Variants in DAB2IP observed in about 807,000 individuals in gnomAD.
The protein encoded by DAB2IP is DAB2 interacting protein, also known as disabled homolog 2-interacting protein.
A neutral mutation model predicts 107.2 loss-of-function variants in DAB2IP; 28 were observed. The ratio of observed to expected loss-of-function variants is 0.26; its 90% CI spans 0.19 to 0.36. The LOEUF (loss-of-function observed/expected upper bound fraction) is 0.36, where lower values mean the gene tolerates loss of function less well. Ranked by LOEUF, DAB2IP falls within the 10% of genes least tolerant of loss-of-function variation. DAB2IP has a pLI of 1.00. For synonymous variants in DAB2IP, 755 were observed against 706.4 expected (o/e 1.07, Z -1.09); for missense variants, 1,400 against 1,644.7 (o/e 0.85, Z 2.57).
chr9:121,762,086 G>A (rs1833934628), intron 6 of DAB2IP, among the ~76,000 whole-genome samples: 1 of 152,156 alleles, frequency 6.6e-6, no homozygotes, highest in Non-Finnish European at 1.5e-5. Flanking sequence ...GTGCTGCTGG[G>A]GTGACAGGTA....
chr9:121,630,533 AT>A lies in DAB2IP; in HGVS notation c.41-48131del, dbSNP rs1554716325. On this transcript the variant is annotated intron_variant, in intron 1 of 16. Transcript: ENST00000259371. ...GAGCAAGACTCCATCTCATAAAAAA[AT>A]TTTTTTTTTTTTTGATAACCAGGCA... Among the ~76,000 whole-genome samples the A allele has an allele frequency of 5.2e-3, 765 of 146,900 alleles. 3 individuals carry two copies. The highest frequency in any genetic ancestry group is 0.022 in the Middle Eastern group (6 of 274).
At chr9:121,783,664 AGCAGCCT>A in exon 16 of DAB2IP, 1 of 1,330,942 alleles carries the variant, frequency 7.5e-7, no homozygotes, top group Admixed American at 1.7e-5. Context: ...CCAAGACAGC[AGCAGCCT>A]GCACCTGCCC....
chr9:121,631,485 A>G (rs1195257785), intron 1 of DAB2IP, among the ~76,000 whole-genome samples: 1 of 151,958 alleles, frequency 6.6e-6, no homozygotes, highest in Non-Finnish European at 1.5e-5. Context: ...TACGGGAGAG[A>G]GCAGAGGGAG....
intron 3 of DAB2IP, among the ~76,000 whole-genome samples, chr9:121,710,422 G>A (rs1830283463): frequency 6.6e-6 from 1 of 152,122 alleles, no homozygotes; most frequent in African/African-American, 2.4e-5. Flanking sequence ...AGGATGTGAG[G>A]GCAGGCTCGG....
chr9:121,635,103 C>T lies in DAB2IP; in HGVS notation c.41-43575C>T, dbSNP rs1398914994. 6.6e-6 allele frequency among the ~76,000 whole-genome samples: 1 copy of T among 152,140 alleles called. No homozygotes were observed. Among genetic ancestry groups the T allele is most frequent in the Non-Finnish European group, 1.5e-5 (1 of 68,030 alleles). On this transcript the variant is annotated intron_variant, in intron 1 of 16. Transcript: ENST00000259371. The surrounding 1 kb of genome is among the most constrained non-coding windows in gnomAD (Gnocchi z 4.3). Reference sequence around the variant, plus strand: ...GAAGGGGAAGCTTGGCAGAGGGTGGCTATGGAGTGGAGGGGGCTGGAGAGG... The same window carrying T: ...GAAGGGGAAGCTTGGCAGAGGGTGGTTATGGAGTGGAGGGGGCTGGAGAGG...
chr9:121,699,541 G>C lies in DAB2IP; in HGVS notation c.362+83G>C. 8.8e-7 allele frequency: 1 copy of C among 1,133,246 alleles called. No homozygotes were observed. Among genetic ancestry groups the C allele is most frequent in the Non-Finnish European group, 1.1e-6 (1 of 920,174 alleles). The allele number at this position is 1,133,246 out of a possible 1,614,324, so 70.2% of individuals were successfully genotyped here. On this transcript the variant is annotated intron_variant, in intron 3 of 15. Transcript: ENST00000408936. The surrounding 1 kb of genome is among the most constrained non-coding windows in gnomAD (Gnocchi z 6.2). Reference sequence around the variant, plus strand: ...GGACGCGGGGACAAAGCGCGAGCCCGGCCCGGGGCGAGCCACACGGCGGTG... The same window carrying C: ...GGACGCGGGGACAAAGCGCGAGCCCCGCCCGGGGCGAGCCACACGGCGGTG...
At chr9:121,665,812 A>G (rs896750632) in intron 1 of DAB2IP, among the ~76,000 whole-genome samples, 1 of 152,220 alleles carries the variant, frequency 6.6e-6, no homozygotes, top group African/African-American at 2.4e-5. Context: ...CCATTTGTAG[A>G]TTTGAAAGAG....
chr9:121,708,750 A>G (rs1830181690), intron 3 of DAB2IP, among the ~76,000 whole-genome samples: 2 of 152,262 alleles, frequency 1.3e-5, no homozygotes, highest in South Asian at 4.1e-4. Flanking sequence ...AAGGTCCGCC[A>G]AGTCAAATTC....
chr9:121,744,034 C>T (rs1473732374), intron 3 of DAB2IP, among the ~76,000 whole-genome samples: 5 of 152,256 alleles, frequency 3.3e-5, no homozygotes, highest in Middle Eastern at 3.4e-3. Flanking sequence ...GCGCGGTGTC[C>T]CCTGTGGTGT....
intron 3 of DAB2IP, among the ~76,000 whole-genome samples, chr9:121,744,314 C>A (rs552889867): frequency 6.6e-6 from 1 of 152,146 alleles, no homozygotes; most frequent in Non-Finnish European, 1.5e-5. Flanking sequence ...GGGCCAGGAG[C>A]GTGTTTTGGC....
rs185722196 is a variant in DAB2IP at position 121,698,846 on chromosome 9, G to A, written c.229-479G>A. 0.011 allele frequency among the ~76,000 whole-genome samples: 1,685 copies of A among 152,258 alleles called. 28 individuals are homozygous for A. Among genetic ancestry groups the A allele is most frequent in the African/African-American group, 0.038 (1,576 of 41,562 alleles). Reference sequence around the variant, plus strand: ...GCTTTGTCAATCCCCGACGGGGTGGGGGGGCGTGGATTCCTCCAGGTGGGT... The same window carrying A: ...GCTTTGTCAATCCCCGACGGGGTGGAGGGGCGTGGATTCCTCCAGGTGGGT... On this transcript the variant is annotated intron_variant, in intron 2 of 15. Transcript: ENST00000408936. The surrounding 1 kb of genome is among the most constrained non-coding windows in gnomAD (Gnocchi z 4.1).
At chr9:121,708,093 C>T (rs1163800587) in intron 3 of DAB2IP, among the ~76,000 whole-genome samples, 1 of 152,220 alleles carries the variant, frequency 6.6e-6, no homozygotes, top group Admixed American at 6.5e-5. Flanking sequence ...GGTGGTCTTG[C>T]TTCCCCAAAG....
rs925292308 is a variant in DAB2IP, at chr9:121,706,948, C to A, written c.362+7490C>A. Among the ~76,000 whole-genome samples the A allele has an allele frequency of 3.7e-4, 57 of 152,346 alleles. 1 individual carries two copies. Among genetic ancestry groups the A allele is most frequent in the Admixed American group, 2.0e-3 (31 of 15,310 alleles). On this transcript the variant is annotated intron_variant, in intron 3 of 15. Coordinates refer to ENST00000408936, the Ensembl canonical transcript of DAB2IP. Reference sequence around the variant, plus strand: ...GGTCCATCCCCACCCACAAAGGTTCCTGGCACCCTGCCTGAGAATTGGGGG... The same window carrying A: ...GGTCCATCCCCACCCACAAAGGTTCATGGCACCCTGCCTGAGAATTGGGGG...
intron 1 of DAB2IP, among the ~76,000 whole-genome samples, chr9:121,628,045 C>T (rs1393860209): frequency 6.6e-6 from 1 of 152,186 alleles, no homozygotes; most frequent in African/African-American, 2.4e-5. Context: ...GGAAAGTGGT[C>T]ATTGCTAAGA....
rs531862338 is a variant in DAB2IP, at chr9:121,635,685, G to T, written c.41-42993G>T. 3.9e-5 allele frequency among the ~76,000 whole-genome samples: 6 copies of T among 152,352 alleles called. No homozygotes were observed. The highest frequency in any genetic ancestry group is 2.6e-4 in the Admixed American group (4 of 15,306). On this transcript the variant is annotated intron_variant, in intron 1 of 16. Transcript: ENST00000259371. This position sits in a 1 kb window ranked among gnomAD's most constrained non-coding sequence, Gnocchi z 4.3. ...GAAAGGATATCCAGAGCTAGAGAGG[G>T]TGGGGCTTGAGGGTGGAGGCCATTC...
At chr9:121,651,550 C>T, upstream of DAB2IP, 3 of 629,626 alleles carry the variant, frequency 4.8e-6, no homozygotes, top group Non-Finnish European at 6.0e-6. The surrounding 1 kb of genome is among the most constrained non-coding windows in gnomAD (Gnocchi z 5.1). Context: ...CGGTGCCAGC[C>T]CGGCCTCCGG....
At chr9:121,744,936 A>G (rs1832618349) in intron 3 of DAB2IP, among the ~76,000 whole-genome samples, 1 of 152,188 alleles carries the variant, frequency 6.6e-6, no homozygotes, top group Admixed American at 6.5e-5. Context: ...TAGCATGATG[A>G]GCCAGATAGG....
At chr9:121,733,250 CT>C (rs1423907748) in intron 3 of DAB2IP, among the ~76,000 whole-genome samples, 2 of 152,190 alleles carry the variant, frequency 1.3e-5, no homozygotes, top group African/African-American at 4.8e-5. Context: ...CAGCACCCTC[CT>C]TTAGAAAAAG....
intron 3 of DAB2IP, among the ~76,000 whole-genome samples, chr9:121,743,166 T>C (rs536986636): frequency 6.6e-6 from 1 of 152,196 alleles, no homozygotes; most frequent in African/African-American, 2.4e-5. Context: ...ATCTGAAAGA[T>C]GGGGCAATGG....
Sources: gnomAD v4.1 joint callset for allele counts (sites outside exome capture counted in the v4.1 genomes callset) on GRCh38, gnomAD v4.1.1 for gene constraint, Gnocchi (gnomAD v3.1) non-coding constraint, MANE v1.5 for transcripts, NCBI Gene and HGNC (gene_info 2026-07-23, HGNC 2026-07-21) for gene names.